Variants in MEGF11 observed in about 807,000 individuals in gnomAD.
The protein encoded by MEGF11 is multiple EGF like domains 11, also known as multiple epidermal growth factor-like domains protein 11.
Under a neutral mutation model 146.6 loss-of-function variants are expected in MEGF11, and 126 were observed. That is an observed-to-expected ratio of 0.86 (90% CI 0.74 to 1.00). The LOEUF (loss-of-function observed/expected upper bound fraction) is 1.00. MEGF11 is among the 50% of genes least tolerant of loss of function. The probability of loss-of-function intolerance (pLI) is 0.00; values close to 1 mark genes in which losing one functional copy is unlikely to be tolerated. For missense variants in MEGF11, 1,509 were observed against 1,521.2 expected (o/e 0.99, Z 0.13); for synonymous variants, 532 against 583.4 (o/e 0.91, Z 1.27).
At chr15:66,252,569 G>A (rs2092390446) in intron 1 of MEGF11, among the ~76,000 whole-genome samples, 2 of 152,176 alleles carry the variant, frequency 1.3e-5, no homozygotes, top group Admixed American at 6.5e-5. Context: ...TCCAGGTCCG[G>A]GAGAAGCCGC....
chr15:65,953,280 G>C (rs958586883), intron 10 of MEGF11, among the ~76,000 whole-genome samples: 3 of 152,226 alleles, frequency 2.0e-5, no homozygotes, highest in Non-Finnish European at 4.4e-5. Flanking sequence ...AGATGAGGAA[G>C]TTCCATGTCA....
chr15:66,084,313 A>T (rs1303655722), intron 5 of MEGF11, among the ~76,000 whole-genome samples: 1 of 152,200 alleles, frequency 6.6e-6, no homozygotes, highest in Non-Finnish European at 1.5e-5. Context: ...GGATCATGGC[A>T]GATGGGAGGC....
At chr15:65,958,645 A>T (rs2080746089) in intron 9 of MEGF11, among the ~76,000 whole-genome samples, 1 of 152,170 alleles carries the variant, frequency 6.6e-6, no homozygotes, top group South Asian at 2.1e-4. Context: ...TGGCTTTAAG[A>T]TACCCCATCC....
intron 5 of MEGF11, among the ~76,000 whole-genome samples, chr15:65,992,448 T>TGG (rs1245633236): frequency 0.037 from 1,031 of 27,552 alleles, 13 homozygotes; most frequent in Middle Eastern, 0.077. Flanking sequence ...TGTGTGTGTG[T>TGG]GTGGGGGGGG....
intron 5 of MEGF11, among the ~76,000 whole-genome samples, chr15:65,988,810 T>C (rs566211775): frequency 2.6e-5 from 4 of 152,272 alleles, no homozygotes; most frequent in Non-Finnish European, 4.4e-5. Context: ...CCTTAGTTTG[T>C]GATTGCCCTT....
At chr15:66,111,582 C>G (rs1172079349) in intron 4 of MEGF11, among the ~76,000 whole-genome samples, 1 of 152,236 alleles carries the variant, frequency 6.6e-6, no homozygotes. Flanking sequence ...CCAGCGCAGG[C>G]TGGGAGCCAG....
At chr15:66,031,358 A>T (rs1290332291) in intron 5 of MEGF11, among the ~76,000 whole-genome samples, 2 of 152,114 alleles carry the variant, frequency 1.3e-5, no homozygotes, top group Admixed American at 1.3e-4. Context: ...ATATGCAAGG[A>T]TGTTGTCTTG....
At position 65,922,926 on chromosome 15, in the gene MEGF11, G is replaced by A; in HGVS notation, c.1719C>T (p.Pro573=). The part of the protein sequence containing the change: ...DSTCPPGRWG[P]NCSVSCSCEN... ...CACAGCTGCAGGAGACAGAGCAGTT[G>A]GGGCCCCAGCGGCCAGGTGGACACG... Residue 573 remains proline (P), a synonymous_variant, in exon 14 of 26, where the codon CCC becomes CCT. Coordinates refer to ENST00000395614, the MANE Select transcript of MEGF11 (RefSeq NM_001385028.1). 1 of 1,613,180 alleles carries A rather than the reference G, an allele frequency of 6.2e-7. No individual in the cohort carries two copies. The highest frequency in any genetic ancestry group is 8.5e-7 in the Non-Finnish European group (1 of 1,179,734).
chr15:66,080,784 C>A lies in MEGF11; in HGVS notation c.394+13618G>T, dbSNP rs151251506. ...TACGTACACAGCTCCCTTCTGTCCC[C>A]GTCACGGTGACTGTGCCCCAGTGTG... On this transcript the variant is annotated intron_variant, in intron 5 of 25. Coordinates refer to ENST00000395614, the MANE Select transcript of MEGF11 (RefSeq NM_001385028.1). 9.7e-4 allele frequency among the ~76,000 whole-genome samples: 148 copies of A among 152,352 alleles called. 1 individual carries two copies. The highest frequency in any genetic ancestry group is 3.3e-3 in the African/African-American group (139 of 41,580).
At chr15:66,193,113 AG>A (rs747095691) in intron 1 of MEGF11, among the ~76,000 whole-genome samples, 43 of 152,232 alleles carry the variant, frequency 2.8e-4, no homozygotes, top group Non-Finnish European at 5.0e-4. Flanking sequence ...CAGTATACAA[AG>A]GCAGAACCCA....
At chr15:66,183,145 A>G (rs2090597564) in intron 1 of MEGF11, among the ~76,000 whole-genome samples, 1 of 152,246 alleles carries the variant, frequency 6.6e-6, no homozygotes, top group South Asian at 2.1e-4. Flanking sequence ...TGCATATTTT[A>G]GAACATATTC....
intron 1 of MEGF11, among the ~76,000 whole-genome samples, chr15:66,153,026 C>T (rs1253723224): frequency 2.0e-5 from 3 of 152,252 alleles, no homozygotes; most frequent in Non-Finnish European, 4.4e-5. Flanking sequence ...TGCTCCAACA[C>T]CTCCAGCCCC....
intron 4 of MEGF11, among the ~76,000 whole-genome samples, chr15:66,116,849 C>T (rs1250639557): frequency 6.6e-6 from 1 of 152,170 alleles, no homozygotes; most frequent in African/African-American, 2.4e-5. Flanking sequence ...TGCCATTTTA[C>T]ATGAATGAAA....
Position 66,060,681 on chromosome 15 carries a change from G to A in MEGF11, c.394+33721C>T, listed in dbSNP as rs114891032. 3.2e-3 allele frequency among the ~76,000 whole-genome samples: 491 copies of A among 152,348 alleles called. 4 individuals carry two copies. The highest frequency in any genetic ancestry group is 0.011 in the African/African-American group (472 of 41,570). ...AGCCTTGGATGTTGGTTAACCTGGT[G>A]TGTCTGTCCCTCTCTCTAGACTGTG... On this transcript the variant is annotated intron_variant, in intron 5 of 25. Transcript: ENST00000395614.
intron 5 of MEGF11, among the ~76,000 whole-genome samples, chr15:66,020,798 T>C (rs1220023538): frequency 6.6e-6 from 1 of 152,002 alleles, no homozygotes; most frequent in African/African-American, 2.4e-5. Flanking sequence ...CGAGACCATC[T>C]TGGCTAACAC....
At chr15:66,100,291 T>C (rs1255702527) in intron 4 of MEGF11, among the ~76,000 whole-genome samples, 2 of 151,958 alleles carry the variant, frequency 1.3e-5, no homozygotes, top group Admixed American at 6.6e-5. Context: ...GGGCGGTGAA[T>C]CCTCCCCCTA....
At chr15:66,089,774 G>C (rs924824347) in intron 5 of MEGF11, among the ~76,000 whole-genome samples, 1 of 152,144 alleles carries the variant, frequency 6.6e-6, no homozygotes, top group Non-Finnish European at 1.5e-5. Context: ...CTCAATCATT[G>C]TCAGTGCTTT....
chr15:66,247,050 A>G (rs2092305451), intron 1 of MEGF11, among the ~76,000 whole-genome samples: 1 of 152,154 alleles, frequency 6.6e-6, no homozygotes, highest in South Asian at 2.1e-4. Flanking sequence ...TACCACTGAG[A>G]AAAAAGCAAG....
At chr15:65,946,067 T>A (rs1337161323) in intron 10 of MEGF11, among the ~76,000 whole-genome samples, 1 of 152,226 alleles carries the variant, frequency 6.6e-6, no homozygotes, top group Non-Finnish European at 1.5e-5. Context: ...ATATGTAATG[T>A]TCTTAGAACA....
Sources: allele counts gnomAD v4.1 joint callset (sites outside exome capture counted in the v4.1 genomes callset), GRCh38; gene constraint gnomAD v4.1.1; transcripts MANE v1.5; gene names NCBI Gene and HGNC (gene_info 2026-07-23, HGNC 2026-07-21).